The following GOLIM4 variants were observed in gnomAD, a reference collection of about 807,000 sequenced individuals.
GOLIM4 encodes the protein golgi integral membrane protein 4.
GOLIM4 carries 71 observed loss-of-function variants against 107.4 expected under a neutral mutation model. That is an observed-to-expected ratio of 0.66 (90% CI 0.55 to 0.81). The LOEUF (loss-of-function observed/expected upper bound fraction) is 0.81, where lower values mean the gene tolerates loss of function less well. Ranked by LOEUF, GOLIM4 falls within the 30% of genes least tolerant of loss-of-function variation. GOLIM4 has a pLI of 0.00. For synonymous variants in GOLIM4, 327 were observed against 294.8 expected (o/e 1.11, Z -1.12); for missense variants, 830 against 826.1 (o/e 1.00, Z -0.06).
intron 14 of GOLIM4, among the ~76,000 whole-genome samples, chr3:168,018,529 T>A (rs1021500862): frequency 6.6e-5 from 10 of 152,206 alleles, no homozygotes; most frequent in African/African-American, 2.2e-4. Context: ...ATATCTATTG[T>A]ATTCATATTT....
At position 168,095,237 on chromosome 3, in the gene GOLIM4, G is replaced by A. The variant is rs1465749649; in HGVS notation, c.49C>T (p.Leu17=). 5.0e-6 allele frequency: 8 copies of A among 1,613,634 alleles called. No homozygotes were observed. Among genetic ancestry groups the A allele is most frequent in the Non-Finnish European group, 6.8e-6 (8 of 1,180,014 alleles). The change falls in exon 1 of 16, where the codon CTG becomes TTG. Residue 17 remains leucine, a synonymous_variant. Transcript: ENST00000470487. ...CCGAACACGACGGTCAGCAGCAGCAGCGTCTGGAAAATCCGCTTCTGCTTT... is the reference window on the plus strand; with the variant it reads ...CCGAACACGACGGTCAGCAGCAGCAACGTCTGGAAAATCCGCTTCTGCTTT... ...SRKQKRIFQT[L]LLLTVVFGFL...
intron 8 of GOLIM4, among the ~76,000 whole-genome samples, chr3:168,033,571 C>G (rs1270631007): frequency 8.1e-6 from 1 of 123,480 alleles, no homozygotes; most frequent in Non-Finnish European, 1.6e-5. Flanking sequence ...TGCGCCACTG[C>G]ACTCCAGCCT....
Position 168,095,360 on chromosome 3 carries a change from G to C in GOLIM4, c.-75C>G, listed in dbSNP as rs1577588680. On this transcript the variant is annotated 5_prime_UTR_variant, in exon 1 of 16. Coordinates refer to ENST00000470487, the MANE Select transcript of GOLIM4 (RefSeq NM_014498.5). ...TGGTCCGAGCGAGCGTCTCAGCAGC[G>C]GCCGCCGCAGTAGGTGGCCAGACGC... 7.6e-7 allele frequency: 1 copy of C among 1,317,152 alleles called. No individual in the cohort carries two copies. The highest frequency in any genetic ancestry group is 2.6e-5 in the East Asian group (1 of 38,542). 81.6% of individuals were successfully genotyped at this position (1,317,152 alleles called of 1,614,324 possible).
intron 1 of GOLIM4, among the ~76,000 whole-genome samples, chr3:168,064,667 C>T (rs913821994): frequency 4.6e-5 from 7 of 150,928 alleles, no homozygotes; most frequent in African/African-American, 1.7e-4. Context: ...AAACTCCTGG[C>T]CTGAAATGAT....
intron 1 of GOLIM4, among the ~76,000 whole-genome samples, chr3:168,065,297 CTTAAGT>C (rs1720492579): frequency 6.6e-6 from 1 of 152,180 alleles, no homozygotes; most frequent in South Asian, 2.1e-4. Flanking sequence ...CTCTCAGTGA[CTTAAGT>C]TTAAGTAAGA....
chr3:168,010,161 A>C lies in GOLIM4; in HGVS notation c.*108T>G. 1.0e-6 allele frequency: 1 copy of C among 1,001,110 alleles called. No homozygotes were observed. Among genetic ancestry groups the C allele is most frequent in the Non-Finnish European group, 1.4e-6 (1 of 692,230 alleles). 62.0% of individuals were successfully genotyped at this position (1,001,110 alleles called of 1,614,324 possible). On this transcript the variant is annotated 3_prime_UTR_variant, in exon 16 of 16. Coordinates refer to ENST00000470487, the MANE Select transcript of GOLIM4 (RefSeq NM_014498.5). ...AATACAAAAGTTTTAAAAAAGTCTA[A>C]GTTCTTAATTTTTGTAATTAAATAT...
At chr3:168,086,427 A>T (rs908260812) in intron 1 of GOLIM4, among the ~76,000 whole-genome samples, 1 of 152,194 alleles carries the variant, frequency 6.6e-6, no homozygotes, top group Non-Finnish European at 1.5e-5. Flanking sequence ...TCTGTTTGTA[A>T]CAAAGATTCC....
At chr3:168,071,724 A>G (rs1036465175) in intron 1 of GOLIM4, among the ~76,000 whole-genome samples, 17 of 151,930 alleles carry the variant, frequency 1.1e-4, no homozygotes, top group Non-Finnish European at 2.1e-4. Flanking sequence ...AAGGGTGGGT[A>G]ACTTGAGAAA....
chr3:168,089,471 C>CTT (rs747641218), intron 1 of GOLIM4, among the ~76,000 whole-genome samples: 2 of 152,194 alleles, frequency 1.3e-5, no homozygotes, highest in Non-Finnish European at 2.9e-5. Context: ...ACTATTGATT[C>CTT]TCAAGATAAC....
chr3:168,091,048 T>C (rs1721882776), intron 1 of GOLIM4, among the ~76,000 whole-genome samples: 1 of 152,204 alleles, frequency 6.6e-6, no homozygotes, highest in South Asian at 2.1e-4. Flanking sequence ...TTGGAAATTT[T>C]CCTGTGGGGT....
chr3:168,073,033 T>TA (rs1436542380), intron 1 of GOLIM4, among the ~76,000 whole-genome samples: 6 of 152,184 alleles, frequency 3.9e-5, no homozygotes, highest in Non-Finnish European at 8.8e-5. Context: ...TTGTTGTTGC[T>TA]AAAAAAATAT....
chr3:168,089,986 T>C (rs1470213729), intron 1 of GOLIM4, among the ~76,000 whole-genome samples: 1 of 152,154 alleles, frequency 6.6e-6, no homozygotes, highest in Non-Finnish European at 1.5e-5. Context: ...CAGGCTGGTC[T>C]CAAACTCCTG....
At chr3:168,040,971 T>C (rs765137814) in intron 6 of GOLIM4, 102 bp from the exon 7 acceptor site, 3 of 739,420 alleles carry the variant, frequency 4.1e-6, no homozygotes, top group East Asian at 2.5e-5. Context: ...TGCTTGTTTA[T>C]TTGTTGTTGT....
At chr3:168,038,381 A>T (rs1366512352) in intron 7 of GOLIM4, among the ~76,000 whole-genome samples, 2 of 152,216 alleles carry the variant, frequency 1.3e-5, no homozygotes, top group Non-Finnish European at 2.9e-5. Flanking sequence ...CATATTAAAA[A>T]TGTAGGCTCC....
chr3:168,029,893 C>T lies in GOLIM4; in HGVS notation c.1320G>A (p.Gln440=). Residue 440 remains glutamine (Q), a synonymous_variant, in exon 10 of 16, where the codon CAG becomes CAA. Coordinates refer to ENST00000470487, the MANE Select transcript of GOLIM4 (RefSeq NM_014498.5). Reference sequence around the variant, plus strand: ...GTTCCTGCTGCCGTAGTAAGTGCCCCTGCAGCCTCTGCTGGTGCAAAGCTT... The same window carrying T: ...GTTCCTGCTGCCGTAGTAAGTGCCCTTGCAGCCTCTGCTGGTGCAAAGCTT... The part of the protein sequence containing the change: ...HQEALHQQRL[Q]GHLLRQQEQQ... 1 of 1,614,132 alleles carries T rather than the reference C, an allele frequency of 6.2e-7. No individual in the cohort carries two copies. Among genetic ancestry groups the T allele is most frequent in the Non-Finnish European group, 8.5e-7 (1 of 1,180,028 alleles).
In GOLIM4 at chr3:168,044,726, A is replaced by C. The variant is rs955184079; in HGVS notation, c.366+102T>G. ...AAAATGCCATATTACAATACAAATC[A>C]ACTTCTGTAAACTTTCTTTAATCAC... On this transcript the variant is annotated intron_variant, in intron 4 of 15. Transcript: ENST00000470487. The C allele has an allele frequency of 1.2e-5, 8 of 687,964 alleles. No homozygotes were observed. In the African/African-American group the frequency reaches 1.5e-4, roughly 13 times the overall value. The allele number at this position is 687,964 out of a possible 1,614,324, so 42.6% of individuals were successfully genotyped here. A position where few individuals can be genotyped will look rare whatever the true frequency, so the allele number is the denominator to read the frequency against.
At chr3:168,050,819 A>T (rs988159411) in intron 1 of GOLIM4, among the ~76,000 whole-genome samples, 2 of 129,874 alleles carry the variant, frequency 1.5e-5, no homozygotes, top group South Asian at 2.6e-4. Flanking sequence ...ACCTAGCAAC[A>T]CCTATAATAA....
At chr3:168,075,977 C>T (rs965121557) in intron 1 of GOLIM4, among the ~76,000 whole-genome samples, 6 of 152,154 alleles carry the variant, frequency 3.9e-5, no homozygotes, top group Non-Finnish European at 5.9e-5. Context: ...TATACACATA[C>T]ATACATATAT....
chr3:168,029,158 A>C, intron 11 of GOLIM4, 65 bp downstream of exon 11: 2 of 1,032,684 alleles, frequency 1.9e-6, no homozygotes, highest in Non-Finnish European at 3.0e-6. Flanking sequence ...ATATTGGCTC[A>C]CTGATAATAT....
Sources: gnomAD v4.1 joint callset for allele counts (sites outside exome capture counted in the v4.1 genomes callset) on GRCh38, gnomAD v4.1.1 for gene constraint, MANE v1.5 for transcripts, NCBI Gene and HGNC (gene_info 2026-07-23, HGNC 2026-07-21) for gene names.